Variants in TTN observed in about 807,000 individuals in gnomAD.
TTN encodes titin.
A neutral mutation model predicts 3,223.0 loss-of-function variants in TTN; 1,525 were observed. The observed-to-expected ratio is 0.47, with a 90% CI of 0.45 to 0.49. TTN has a LOEUF of 0.49. TTN is among the 20% of genes least tolerant of loss of function. The pLI is 0.00. For synonymous variants in TTN, 14,094 were observed against 15,161.0 expected, an observed-to-expected ratio of 0.93 and a Z score of 5.17; for missense variants, 40,786 against 43,424.0, an observed-to-expected ratio of 0.94 and a Z score of 5.40.
At chr2:178,719,517 A>C in intron 82 of TTN, 37 bp downstream of exon 82, 3 of 1,588,500 alleles carry the variant, frequency 1.9e-6, no homozygotes, top group Non-Finnish European at 2.6e-6. Flanking sequence ...CACCCCCTGG[A>C]AATATTGTAT....
Position 178,727,087 on chromosome 2 carries a change from T to C in TTN, c.20275+3A>G, listed in dbSNP as rs749409528. The C allele has an allele frequency of 1.3e-6, 2 of 1,500,800 alleles. No homozygotes were observed. Among genetic ancestry groups the C allele is most frequent in the Non-Finnish European group, 1.8e-6 (2 of 1,120,434 alleles). The allele number at this position is 1,500,800 out of a possible 1,614,324, so 93.0% of individuals were successfully genotyped here. A position where few individuals can be genotyped will look rare whatever the true frequency, so the allele number is the denominator to read the frequency against. The stretch of plus-strand genomic sequence containing the variant: ...ATGAGAAACACAAGAACAAGATGTC[T>C]ACCTTTTACTATAACCTTGGTACTG... On this transcript the variant is annotated splice_donor_region_variant and intron_variant, in intron 69 of 362. Transcript: ENST00000589042.
In TTN at chr2:178,540,290, C is replaced by T; in HGVS notation, c.97876G>A (p.Asp32626Asn). The change falls in exon 351 of 363, where the codon GAT becomes AAT. Residue 32626 changes from aspartate to asparagine, a missense_variant. Coordinates refer to ENST00000589042, the MANE Select transcript of TTN (RefSeq NM_001267550.2). ...SVSLAWSVPE[D>N]EGGSKVTGYL... Reference sequence around the variant, plus strand: ...CCTGTGACTTTAGATCCTCCTTCATCTTCTGGAACACTCCAGGCCAGGGAG... The same window carrying T: ...CCTGTGACTTTAGATCCTCCTTCATTTTCTGGAACACTCCAGGCCAGGGAG... 3.1e-6 allele frequency: 5 copies of T among 1,613,810 alleles called. No homozygotes were observed. The highest frequency in any genetic ancestry group is 4.2e-6 in the Non-Finnish European group (5 of 1,179,760).
rs763459770 is a variant in TTN, at chr2:178,636,799, C to A, written c.40928G>T (p.Gly13643Val). 7 of 1,562,356 alleles carry A rather than the reference C, an allele frequency of 4.5e-6. No homozygotes were observed. The highest frequency in any genetic ancestry group is 5.2e-6 in the Non-Finnish European group (6 of 1,156,606). Residue 13643 changes from glycine to valine, a missense_variant and splice_region_variant, in exon 225 of 363, where the codon GGT (glycine) becomes GTT (valine). Transcript: ENST00000589042. This position sits in a 1 kb window ranked among gnomAD's most constrained non-coding sequence, Gnocchi z 4.3. ...EAAKPKGPIK[G>V]VPKKTPSPIE... is the part of the protein sequence containing the mutation. ...TGGTGAAGGAGTCTTTTTGGGTACA[C>A]CTAATTCAAAGTAAAATAAAAAGTT...
rs758370659 is a variant in TTN at position 178,593,873 on chromosome 2, GA to G, written c.58433-7del. On this transcript the variant is annotated splice_region_variant and splice_polypyrimidine_tract_variant and intron_variant, in intron 297 of 362. Transcript: ENST00000589042. The stretch of plus-strand genomic sequence containing the variant: ...TACTGGTGGTCCAGGACGGTCTGCA[GA>G]AAAAAAAAATCATGGCACAAAATGT... 76 of 1,504,012 alleles carry G rather than the reference GA, an allele frequency of 5.1e-5. No homozygotes were observed. Among genetic ancestry groups the G allele is most frequent in the South Asian group, 3.9e-4 (32 of 82,166 alleles). The allele number at this position is 1,504,012 out of a possible 1,614,324, so 93.2% of individuals were successfully genotyped here. A position where few individuals can be genotyped will look rare whatever the true frequency, so the allele number is the denominator to read the frequency against.
chr2:178,551,538 A>G lies in TTN; in HGVS notation c.91270+92T>C, dbSNP rs538409011. Reference sequence around the variant, plus strand: ...TCTAGTGACAAGAAGATATGTAAGAAGGTGATGCAGAGAAGAAAAGCATTC... The same window carrying G: ...TCTAGTGACAAGAAGATATGTAAGAGGGTGATGCAGAGAAGAAAAGCATTC... On this transcript the variant is annotated intron_variant, in intron 335 of 362. Coordinates refer to ENST00000589042, the MANE Select transcript of TTN (RefSeq NM_001267550.2). 10 of 1,084,892 alleles carry G rather than the reference A, an allele frequency of 9.2e-6. No homozygotes were observed. In the African/African-American group the frequency reaches 1.6e-4, roughly 17 times the overall value. 67.2% of individuals were successfully genotyped at this position (1,084,892 alleles called of 1,614,324 possible).
rs755553000 is a variant in TTN at position 178,705,344 on chromosome 2, T to G, written c.29434A>C (p.Lys9812Gln). The G allele has an allele frequency of 1.9e-6, 3 of 1,588,190 alleles. No homozygotes were observed. The highest frequency in any genetic ancestry group is 2.6e-6 in the Non-Finnish European group (3 of 1,167,446). ...TCCTCTTCTTCTCCAGCTCCTTTCT[T>G]TAAGATTGGAGTCCTAAATAAAATT... ...RAMLKKTPILKKGAGEEEEID... is the reference protein window; with the variant it reads ...RAMLKKTPILQKGAGEEEEID... The change falls in exon 103 of 363, where the codon AAG becomes CAG. Residue 9812 changes from lysine to glutamine, a missense_variant. Lys to Gln is a moderately conservative substitution (Grantham distance 53, BLOSUM62 1). Coordinates refer to ENST00000589042, the MANE Select transcript of TTN (RefSeq NM_001267550.2).
rs1559650693 is a variant in TTN at position 178,597,795 on chromosome 2, G to GCTGAAGGT, written c.57286_57287insACCTTCAG (p.Ala19096AspfsTer17). 6.2e-7 allele frequency: 1 copy of GCTGAAGGT among 1,613,148 alleles called. No homozygotes were observed. The highest frequency in any genetic ancestry group is 1.1e-5 in the South Asian group (1 of 91,048). On this transcript the variant is annotated frameshift_variant, in exon 294 of 363. Transcript: ENST00000589042. LOFTEE classifies it high-confidence loss of function. ...GACAACAATTCTATCTCTGACACTG[G>GCTGAAGGT]CATCTAGCTGAAGGTCAGGTGAAAC... is the stretch of plus-strand genomic sequence containing the variant.
chr2:178,577,654 A>T lies in TTN; in HGVS notation c.68772T>A (p.Ala22924=). 1 of 1,613,148 alleles carries T rather than the reference A, an allele frequency of 6.2e-7. No individual in the cohort carries two copies. The highest frequency in any genetic ancestry group is 1.3e-5 in the African/African-American group (1 of 75,018). The part of the protein sequence containing the change: ...FRIRAKNTAG[A]ISAPSESTET... ...CTGTACTTTCTGATGGAGCACTGAT[A>T]GCACCTGCTGTATTCTTTGCTCTAA... Residue 22924 remains alanine (A), a synonymous_variant, in exon 323 of 363, where the codon GCT becomes GCA. Transcript: ENST00000589042.
Position 178,559,878 on chromosome 2 carries a change from G to T in TTN, c.86254C>A (p.Pro28752Thr). The T allele has an allele frequency of 6.2e-7, 1 of 1,612,786 alleles. No homozygotes were observed. The highest frequency in any genetic ancestry group is 1.1e-5 in the South Asian group (1 of 91,050). The change falls in exon 326 of 363, where the codon CCT (proline) becomes ACT (threonine). Residue 28752 changes from proline to threonine, a missense_variant. Physicochemically the swap from Pro to Thr is conservative, Grantham distance 38. Transcript: ENST00000589042. ...PQIAKEREEE[P>T]LFDIDSEMRK... The stretch of plus-strand genomic sequence containing the variant: ...ATTTCACTGTCAATATCAAATAAAG[G>T]TTCTTCTTCTCTTTCCTTTGCTATC...
At position 178,617,444 on chromosome 2, in the gene TTN, C is replaced by T. The variant is rs1437852479; in HGVS notation, c.47641G>A (p.Glu15881Lys). 1 of 1,598,056 alleles carries T rather than the reference C, an allele frequency of 6.3e-7. No individual in the cohort carries two copies. Among genetic ancestry groups the T allele is most frequent in the African/African-American group, 1.4e-5 (1 of 73,982 alleles). ...QTQSSVQLKW[E>K]PPLKDGGSPI... The stretch of plus-strand genomic sequence containing the variant: ...CTTCCTCCATCTTTCAGAGGAGGTT[C>T]CCATTTGAGCTGAACTGATGACTGA... The change falls in exon 254 of 363, where the codon GAA (glutamate) becomes AAA (lysine). Residue 15881 changes from glutamate to lysine, a missense_variant. Transcript: ENST00000589042.
Position 178,764,570 on chromosome 2 carries a change from A to G in TTN, c.9945T>C (p.Asn3315=), listed in dbSNP as rs747810725. 2 of 1,614,134 alleles carry G rather than the reference A, an allele frequency of 1.2e-6. No homozygotes were observed. Among genetic ancestry groups the G allele is most frequent in the Admixed American group, 1.7e-5 (1 of 60,022 alleles). ...DAAVYTCEAK[N]DYGVATTSAS... Reference sequence around the variant, plus strand: ...CTGATGTTGTGGCAACACCATAGTCATTCTTGGCTTCACAGGTATAGACTG... The same window carrying G: ...CTGATGTTGTGGCAACACCATAGTCGTTCTTGGCTTCACAGGTATAGACTG... Residue 3315 remains asparagine (N), a synonymous_variant, in exon 42 of 363, where the codon AAT becomes AAC. Coordinates refer to ENST00000589042, the MANE Select transcript of TTN (RefSeq NM_001267550.2).
In TTN at chr2:178,624,063, ATTCATT is replaced by A. The variant is rs201964111; in HGVS notation, c.44815+396_44815+401del. ...TTCTAGTTGTTCCCCACACCTGAAA[ATTCATT>A]TTCCTTCCACATGGAAATCACTTTT... On this transcript the variant is annotated intron_variant, in intron 242 of 362. Coordinates refer to ENST00000589042, the MANE Select transcript of TTN (RefSeq NM_001267550.2). Among the ~76,000 whole-genome samples, 66 of 152,028 alleles carry A rather than the reference ATTCATT, an allele frequency of 4.3e-4. 2 individuals carry two copies. In the East Asian group the frequency reaches 0.013, roughly 29 times the overall value.
chr2:178,734,234 A>G (rs2081045012), intron 52 of TTN, 94 bp downstream of exon 52: 1 of 1,404,072 alleles, frequency 7.1e-7, no homozygotes, highest in South Asian at 1.6e-5. Flanking sequence ...TTTAAAGGAT[A>G]GGACAAGAGA....
chr2:178,586,281 T>C (rs1047038598), intron 308 of TTN, among the ~76,000 whole-genome samples: 3 of 152,138 alleles, frequency 2.0e-5, no homozygotes, highest in Admixed American at 6.5e-5. Context: ...ATGCACATGA[T>C]AATAAATGGG....
At chr2:178,737,780 T>G (rs1215544892) in intron 49 of TTN, among the ~76,000 whole-genome samples, 1 of 152,174 alleles carries the variant, frequency 6.6e-6, no homozygotes, top group Admixed American at 6.5e-5. Context: ...ACATTATTTT[T>G]TTTTAGTGGC....
intron 271 of TTN, 27 bp from the exon 272 acceptor site, chr2:178,610,013 A>G: frequency 6.2e-7 from 1 of 1,610,150 alleles, no homozygotes; most frequent in South Asian, 1.1e-5. Context: ...AAATGTTAGT[A>G]TCAGGAAAAC....
chr2:178,707,636 G>GGAAC lies in TTN; in HGVS notation c.28930_28931insGTTC (p.Thr9644SerfsTer12), dbSNP rs1241769885. 7 of 1,613,886 alleles carry GGAAC rather than the reference G, an allele frequency of 4.3e-6. No individual in the cohort carries two copies. Among genetic ancestry groups the GGAAC allele is most frequent in the Admixed American group, 1.7e-5 (1 of 59,984 alleles). ...CACATCTCTGAGTTCCAGTACAGCTGTCCCACTAGCAAAGCTGAAGCTGCA... is the reference window on the plus strand; with the variant it reads ...CACATCTCTGAGTTCCAGTACAGCTGGAACTCCCACTAGCAAAGCTGAAGCTGCA... On this transcript the variant is annotated frameshift_variant, in exon 100 of 363. Transcript: ENST00000589042. LOFTEE classifies it high-confidence loss of function.
chr2:178,706,397 C>T (rs889395486), intron 102 of TTN, 57 bp downstream of exon 102: 30 of 1,504,392 alleles, frequency 2.0e-5, no homozygotes, highest in African/African-American at 1.1e-4. Flanking sequence ...ACTGTGGATG[C>T]GGAACCCACT....
rs770430100 is a variant in TTN, at chr2:178,554,506, T to C, written c.88841A>G (p.Tyr29614Cys). The C allele has an allele frequency of 6.2e-7, 1 of 1,613,366 alleles. No individual in the cohort carries two copies. Among genetic ancestry groups the C allele is most frequent in the Non-Finnish European group, 8.5e-7 (1 of 1,179,702 alleles). ...AGATTCCAGTGGCTCGCCAATTCCA[T>C]ATTTGTTCACGGCTCGGACCCGGAA... is the stretch of plus-strand genomic sequence containing the variant. ...YIFRVRAVNK[Y>C]GIGEPLESDS... Residue 29614 changes from tyrosine (Y) to cysteine (C), a missense_variant, in exon 332 of 363, where the codon TAT becomes TGT. Physicochemically the swap from Tyr to Cys is radical, Grantham distance 194 (BLOSUM62 -2). Transcript: ENST00000589042.
Sources: allele counts gnomAD v4.1 joint callset (sites outside exome capture counted in the v4.1 genomes callset), GRCh38; gene constraint gnomAD v4.1.1; non-coding constraint Gnocchi (gnomAD v3.1); transcripts MANE v1.5; gene names NCBI Gene and HGNC (gene_info 2026-07-23, HGNC 2026-07-21).